The following GNAZ variants were observed in gnomAD, a reference collection of about 807,000 sequenced individuals.
GNAZ encodes guanine nucleotide-binding protein G(z) subunit alpha.
GNAZ carries 3 observed loss-of-function variants against 25.4 expected under a neutral mutation model. That is an observed-to-expected ratio of 0.12 (90% confidence interval 0.05 to 0.30). The LOEUF (loss-of-function observed/expected upper bound fraction) is 0.30, where lower values mean the gene tolerates loss of function less well. Ranked by LOEUF, GNAZ falls within the 10% of genes least tolerant of loss-of-function variation. The pLI is 1.00. For missense variants in GNAZ, 241 were observed against 501.8 expected (o/e 0.48, Z 4.97); for synonymous variants, 211 against 205.7 (o/e 1.03, Z -0.22).
intron 1 of GNAZ, among the ~76,000 whole-genome samples, chr22:23,072,324 C>T (rs750573630): frequency 1.3e-5 from 2 of 152,058 alleles, no homozygotes; most frequent in East Asian, 1.9e-4. Context: ...GATGGCCTGG[C>T]GGTGCTTGGA....
intron 2 of GNAZ, among the ~76,000 whole-genome samples, chr22:23,120,920 T>C (rs1434887827): frequency 6.6e-6 from 1 of 152,196 alleles, no homozygotes; most frequent in Non-Finnish European, 1.5e-5. Flanking sequence ...TGATGCAAAA[T>C]TTGGGGTCAG....
At position 23,123,624 on chromosome 22, in the gene GNAZ, GACAC is replaced by G; in HGVS notation, c.*201_*204del. ...TTACGGATAGATTGCTAGGTAGATA[GACAC>G]ACACACATGCACACACACACATCTG... On this transcript the variant is annotated 3_prime_UTR_variant, in exon 3 of 3. Transcript: ENST00000615612. The G allele has an allele frequency of 1.7e-6, 1 of 595,030 alleles. No homozygotes were observed. Among genetic ancestry groups the G allele is most frequent in the Non-Finnish European group, 3.0e-6 (1 of 333,798 alleles). 36.9% of individuals were successfully genotyped at this position (595,030 alleles called of 1,614,324 possible).
At chr22:23,103,120 G>A (rs1392805110) in intron 2 of GNAZ, among the ~76,000 whole-genome samples, 1 of 152,198 alleles carries the variant, frequency 6.6e-6, no homozygotes, top group Non-Finnish European at 1.5e-5. Flanking sequence ...TGCATGCCAG[G>A]GCAGTGAGGG....
At chr22:23,105,788 G>A (rs1349282589) in intron 2 of GNAZ, among the ~76,000 whole-genome samples, 1 of 152,214 alleles carries the variant, frequency 6.6e-6, no homozygotes, top group Non-Finnish European at 1.5e-5. Flanking sequence ...CAGGGGTGCA[G>A]GTTACTTAAA....
chr22:23,086,680 GA>G (rs2068830196), intron 1 of GNAZ, among the ~76,000 whole-genome samples: 1 of 152,242 alleles, frequency 6.6e-6, no homozygotes, highest in South Asian at 2.1e-4. Context: ...AAGATGTGTG[GA>G]AATGGCTCCA....
chr22:23,082,895 C>CT (rs2068720884), intron 1 of GNAZ, among the ~76,000 whole-genome samples: 1 of 152,200 alleles, frequency 6.6e-6, no homozygotes, highest in Non-Finnish European at 1.5e-5. Flanking sequence ...TCCACAGTGT[C>CT]TTCCCCCCAA....
intron 2 of GNAZ, among the ~76,000 whole-genome samples, chr22:23,107,962 G>C (rs980800908): frequency 6.6e-6 from 1 of 152,248 alleles, no homozygotes; most frequent in Admixed American, 6.5e-5. Flanking sequence ...GGCCCAGCCC[G>C]AGTCCCTTCA....
chr22:23,122,720 G>T (rs572080406), intron 2 of GNAZ: 1 of 278,666 alleles, frequency 3.6e-6, no homozygotes, highest in South Asian at 7.0e-5. Flanking sequence ...GCAGCCTGTG[G>T]ATGGGCAGTG....
intron 1 of GNAZ, among the ~76,000 whole-genome samples, chr22:23,084,997 TCCTGGGTCC>T (rs2068779681): frequency 6.6e-6 from 1 of 152,136 alleles, no homozygotes; most frequent in African/African-American, 2.4e-5. Flanking sequence ...CCCCATCCTG[TCCTGGGTCC>T]CTTGGGGCCA....
intron 1 of GNAZ, among the ~76,000 whole-genome samples, chr22:23,078,984 A>T (rs1404125499): frequency 6.6e-6 from 1 of 152,138 alleles, no homozygotes; most frequent in East Asian, 1.9e-4. Context: ...GAAGTCCCCA[A>T]CTATCCCCTC....
chr22:23,089,733 T>C (rs2068913145), intron 1 of GNAZ, among the ~76,000 whole-genome samples: 1 of 152,096 alleles, frequency 6.6e-6, no homozygotes, highest in Non-Finnish European at 1.5e-5. Flanking sequence ...GGCTGAAGGA[T>C]CTGTCCCGAA....
intron 2 of GNAZ, among the ~76,000 whole-genome samples, chr22:23,107,263 GC>G (rs1289062365): frequency 1.3e-5 from 2 of 152,148 alleles, no homozygotes; most frequent in Non-Finnish European, 2.9e-5. Context: ...CCCTGCCCTG[GC>G]CCCCATCCCA....
rs138459257 is a variant in GNAZ, at chr22:23,101,104, A to G, written c.723+4686A>G. Among the ~76,000 whole-genome samples, 203 of 152,328 alleles carry G rather than the reference A, an allele frequency of 1.3e-3. 1 individual carries two copies. The highest frequency in any genetic ancestry group is 4.7e-3 in the African/African-American group (196 of 41,572). ...CCAAGGAGGGAATTACAAATGGGCA[A>G]TAGCCAGACACAGATGATACCCTCT... On this transcript the variant is annotated intron_variant, in intron 2 of 2. Coordinates refer to ENST00000615612, the MANE Select transcript of GNAZ (RefSeq NM_002073.4).
intron 1 of GNAZ, among the ~76,000 whole-genome samples, chr22:23,084,062 G>A (rs535328872): frequency 3.3e-5 from 5 of 152,278 alleles, no homozygotes; most frequent in Admixed American, 3.3e-4. Flanking sequence ...CTATGCAGGC[G>A]ATCTTTCCCC....
intron 1 of GNAZ, among the ~76,000 whole-genome samples, chr22:23,072,202 G>A (rs955407226): frequency 9.9e-5 from 15 of 152,192 alleles, no homozygotes; most frequent in Non-Finnish European, 5.9e-5. Context: ...TGAGTTGCCT[G>A]TTTCGGGGAT....
rs563038330 is a variant in GNAZ at position 23,079,953 on chromosome 22, G to A, written c.-450+9383G>A. Among the ~76,000 whole-genome samples the A allele has an allele frequency of 1.0e-3, 157 of 152,270 alleles. 1 individual carries two copies. Among genetic ancestry groups the A allele is most frequent in the African/African-American group, 3.7e-3 (155 of 41,554 alleles). On this transcript the variant is annotated intron_variant, in intron 1 of 2. Coordinates refer to ENST00000615612, the MANE Select transcript of GNAZ (RefSeq NM_002073.4). ...TGGAGGCAGAGGGCAGGAGGTTGCA[G>A]GGCCTCAAAGACCCAGAAGGTGAAA...
At chr22:23,109,049 G>T (rs16997431) in intron 2 of GNAZ, among the ~76,000 whole-genome samples, 15,823 of 152,242 alleles carry the variant, frequency 0.1, 2,620 homozygotes, top group African/African-American at 0.35. Flanking sequence ...ATGTGTCATC[G>T]TGGGAAGAGC....
rs375368383 is a variant in GNAZ, at chr22:23,108,763, C to T, written c.723+12345C>T. 1.2e-4 allele frequency among the ~76,000 whole-genome samples: 19 copies of T among 152,374 alleles called. No homozygotes were observed. The East Asian group carries it at 3.1e-3, about 25-fold the overall frequency. ...TTTCTTCCCAGGCAGGAGTCAGCTC[C>T]ACCTGCTCTCTGGCTGGCACAGCCT... On this transcript the variant is annotated intron_variant, in intron 2 of 2. Transcript: ENST00000615612.
chr22:23,091,425 A>T (rs549903848), intron 1 of GNAZ, among the ~76,000 whole-genome samples: 1 of 150,298 alleles, frequency 6.7e-6, no homozygotes, highest in East Asian at 2.0e-4. Context: ...CACACGCACC[A>T]CAATGGATTT....
Sources: gnomAD v4.1 joint callset for allele counts (sites outside exome capture counted in the v4.1 genomes callset) on GRCh38, gnomAD v4.1.1 for gene constraint, MANE v1.5 for transcripts, NCBI Gene and HGNC (gene_info 2026-07-23, HGNC 2026-07-21) for gene names.